SEMA5A: variants seen among roughly 807,000 people sequenced by gnomAD.
The protein encoded by SEMA5A is semaphorin 5A.
SEMA5A carries 55 observed loss-of-function variants against 135.5 expected under a neutral mutation model. The observed-to-expected ratio is 0.41, with a 90% CI of 0.33 to 0.51. The LOEUF (loss-of-function observed/expected upper bound fraction) is 0.51. Among genes scored for constraint, SEMA5A ranks in the 20% least tolerant of loss-of-function variants. The pLI is 0.37. For synonymous variants in SEMA5A, 580 were observed against 546.5 expected, an observed-to-expected ratio of 1.06 and a Z score of -0.85; for missense variants, 1,290 against 1,419.9, an observed-to-expected ratio of 0.91 and a Z score of 1.47.
chr5:9,210,224 G>A (rs1369355396), intron 8 of SEMA5A, among the ~76,000 whole-genome samples: 1 of 152,136 alleles, frequency 6.6e-6, no homozygotes, highest in Non-Finnish European at 1.5e-5. Context: ...AAGACCTTTG[G>A]CAAGTATATT....
chr5:9,429,960 C>T (rs779571010), intron 2 of SEMA5A, among the ~76,000 whole-genome samples: 5 of 152,156 alleles, frequency 3.3e-5, no homozygotes, highest in Admixed American at 6.5e-5. Flanking sequence ...GAAAAGACCA[C>T]GGAGGCCCAA....
In SEMA5A at chr5:9,038,931, G is replaced by A. The variant is rs1735806547; in HGVS notation, c.*3966C>T. The A allele has an allele frequency of 6.6e-6, 1 of 152,192 alleles. No individual in the cohort carries two copies. Among genetic ancestry groups the A allele is most frequent in the Admixed American group, 6.5e-5 (1 of 15,276 alleles). The allele number at this position is 152,192 out of a possible 1,614,324, so 9.4% of individuals were successfully genotyped here. ...TTTTGTAGAGATGGAGTTTCCCCAT[G>A]TTGCCCAGGCTGGTCTCAAACTCCT... On this transcript the variant is annotated 3_prime_UTR_variant, in exon 23 of 23. Coordinates refer to ENST00000382496, the MANE Select transcript of SEMA5A (RefSeq NM_003966.3).
intron 13 of SEMA5A, among the ~76,000 whole-genome samples, chr5:9,123,874 G>A (rs916442766): frequency 1.6e-4 from 25 of 152,122 alleles, no homozygotes; most frequent in African/African-American, 5.1e-4. Flanking sequence ...AGAATCCGAC[G>A]ATGGATTCAC....
chr5:9,036,285 G>A lies in SEMA5A; in HGVS notation c.*6612C>T, dbSNP rs1443819641. On this transcript the variant is annotated 3_prime_UTR_variant, in exon 23 of 23. Coordinates refer to ENST00000382496, the MANE Select transcript of SEMA5A (RefSeq NM_003966.3). ...TAAAAGAGAAAAACAATCAACTTCAGCAGAGATAATACTATTACTTTTCTT... is the reference window on the plus strand; with the variant it reads ...TAAAAGAGAAAAACAATCAACTTCAACAGAGATAATACTATTACTTTTCTT... 1 of 151,620 alleles carries A rather than the reference G, an allele frequency of 6.6e-6. No individual in the cohort carries two copies. The highest frequency in any genetic ancestry group is 1.9e-4 in the East Asian group (1 of 5,202). The allele number at this position is 151,620 out of a possible 1,614,324, so 9.4% of individuals were successfully genotyped here.
At chr5:9,124,719 G>A (rs1450229925) in intron 13 of SEMA5A, among the ~76,000 whole-genome samples, 1 of 152,150 alleles carries the variant, frequency 6.6e-6, no homozygotes, top group African/African-American at 2.4e-5. Flanking sequence ...GCCTCTCAAA[G>A]TGCTGGGATT....
At chr5:9,180,166 T>A (rs1160727731) in intron 11 of SEMA5A, among the ~76,000 whole-genome samples, 2 of 152,206 alleles carry the variant, frequency 1.3e-5, no homozygotes, top group African/African-American at 4.8e-5. Context: ...TACTCCAGTA[T>A]GACTTCATCT....
At chr5:9,227,718 T>G (rs866090066) in intron 6 of SEMA5A, among the ~76,000 whole-genome samples, 8 of 152,068 alleles carry the variant, frequency 5.3e-5, no homozygotes, top group Middle Eastern at 3.4e-3. Context: ...GCCCGGCCAA[T>G]TTTTTGTATT....
chr5:9,501,277 T>C (rs1456875489), intron 1 of SEMA5A, among the ~76,000 whole-genome samples: 2 of 152,210 alleles, frequency 1.3e-5, no homozygotes, highest in Admixed American at 6.5e-5. Flanking sequence ...CTAAAGTCTA[T>C]GCTTACTTGC....
rs1806079 is a variant in SEMA5A, at chr5:9,202,151, C to G, written c.736G>C (p.Val246Leu). ...NAVEHDCGKT[V>L]FSRAARVCKN... ...CACACCCGGGCAGCTCTGGAGAACA[C>G]TGTTTTCCCACAGTCATGCTCTACT... is the stretch of plus-strand genomic sequence containing the variant. The change falls in exon 9 of 23, where the codon GTG becomes CTG. Residue 246 changes from valine to leucine, a missense_variant. This residue lies in a region of SEMA5A where 145 missense variants were observed against 212.0 expected (regional missense o/e 0.68). Coordinates refer to ENST00000382496, the MANE Select transcript of SEMA5A (RefSeq NM_003966.3). 5.0e-6 allele frequency: 8 copies of G among 1,614,052 alleles called. No individual in the cohort carries two copies. In the South Asian group the frequency reaches 8.8e-5, roughly 18 times the overall value.
intron 5 of SEMA5A, among the ~76,000 whole-genome samples, chr5:9,292,797 C>G (rs1161048059): frequency 6.6e-6 from 1 of 152,102 alleles, no homozygotes; most frequent in Non-Finnish European, 1.5e-5. Context: ...ATTTTGCACC[C>G]CAGGGAACAC....
At chr5:9,195,320 C>T (rs138321973) in intron 10 of SEMA5A, among the ~76,000 whole-genome samples, 178 of 152,134 alleles carry the variant, frequency 1.2e-3, no homozygotes, top group African/African-American at 4.0e-3. Context: ...TGCATGACAC[C>T]GTGCCTGGCT....
chr5:9,310,873 A>T (rs1752096781), intron 5 of SEMA5A, among the ~76,000 whole-genome samples: 2 of 149,770 alleles, frequency 1.3e-5, no homozygotes, highest in African/African-American at 4.9e-5. Flanking sequence ...TTGCATATAT[A>T]ATATATATAT....
At chr5:9,381,858 TAAGTGA>T (rs1318997152) in intron 2 of SEMA5A, among the ~76,000 whole-genome samples, 24 of 152,124 alleles carry the variant, frequency 1.6e-4, no homozygotes, top group African/African-American at 5.6e-4. Flanking sequence ...ATAGATAATG[TAAGTGA>T]CTTCAAGGAT....
intron 2 of SEMA5A, among the ~76,000 whole-genome samples, chr5:9,393,388 C>T (rs1033752239): frequency 1.1e-4 from 17 of 152,138 alleles, no homozygotes; most frequent in African/African-American, 3.6e-4. Flanking sequence ...GTTCCTCAGC[C>T]TACAAAGTAC....
intron 5 of SEMA5A, among the ~76,000 whole-genome samples, chr5:9,290,597 T>C (rs963984389): frequency 6.6e-6 from 1 of 152,096 alleles, no homozygotes; most frequent in African/African-American, 2.4e-5. Flanking sequence ...CTATTAAAAA[T>C]AACAGGAAGT....
chr5:9,474,189 A>G (rs1159611493), intron 1 of SEMA5A, among the ~76,000 whole-genome samples: 1 of 152,224 alleles, frequency 6.6e-6, no homozygotes, highest in East Asian at 1.9e-4. Flanking sequence ...GCTGATGATC[A>G]GATTGATCAG....
chr5:9,218,718 C>T (rs1746769449), intron 8 of SEMA5A, among the ~76,000 whole-genome samples: 1 of 152,116 alleles, frequency 6.6e-6, no homozygotes, highest in Admixed American at 6.5e-5. Context: ...GAGTGGTGGC[C>T]TTCTAGAGGA....
intron 2 of SEMA5A, among the ~76,000 whole-genome samples, chr5:9,387,518 G>C (rs913868298): frequency 2.6e-5 from 4 of 152,192 alleles, no homozygotes; most frequent in Non-Finnish European, 5.9e-5. Context: ...CTGAATGGGG[G>C]AATATAGAGA....
chr5:9,440,187 G>C (rs1043429749), intron 1 of SEMA5A, among the ~76,000 whole-genome samples: 8 of 152,232 alleles, frequency 5.3e-5, no homozygotes, highest in African/African-American at 1.9e-4. Flanking sequence ...GATTCTTGCA[G>C]GTCCAGAAGC....
Sources: allele counts gnomAD v4.1 joint callset (sites outside exome capture counted in the v4.1 genomes callset), GRCh38; gene constraint gnomAD v4.1.1; regional missense constraint gnomAD v4.1.1; transcripts MANE v1.5; gene names NCBI Gene and HGNC (gene_info 2026-07-23, HGNC 2026-07-21).